NDUFS6: variants seen among roughly 807,000 people sequenced by gnomAD.
NDUFS6 encodes the protein NADH dehydrogenase [ubiquinone] iron-sulfur protein 6, mitochondrial.
A neutral mutation model predicts 13.2 loss-of-function variants in NDUFS6; 14 were observed. The observed-to-expected ratio is 1.06, with a 90% CI of 0.70 to 1.66. The LOEUF (loss-of-function observed/expected upper bound fraction) is 1.66. Among genes scored for constraint, NDUFS6 ranks in the 40% most tolerant of loss-of-function variants. The pLI, the probability that NDUFS6 is intolerant of heterozygous loss-of-function variation, is 0.00. For missense variants in NDUFS6, 206 were observed against 170.8 expected, an observed-to-expected ratio of 1.21 and a Z score of -1.15; for synonymous variants, 95 against 72.3, an observed-to-expected ratio of 1.31 and a Z score of -1.60.
At chr5:1,803,853 T>G (rs1418908660) in intron 2 of NDUFS6, among the ~76,000 whole-genome samples, 1 of 152,206 alleles carries the variant, frequency 6.6e-6, no homozygotes, top group Admixed American at 6.5e-5. Flanking sequence ...GAACTTGACA[T>G]TTGGAAGGTG....
intron 2 of NDUFS6, among the ~76,000 whole-genome samples, chr5:1,804,890 G>T (rs1242954570): frequency 6.6e-6 from 1 of 152,174 alleles, no homozygotes; most frequent in Non-Finnish European, 1.5e-5. Flanking sequence ...GGATAGATGT[G>T]TAATGACATG....
At position 1,815,993 on chromosome 5, in the gene NDUFS6, G is replaced by A. The variant is rs1734304213; in HGVS notation, c.*77G>A. The A allele has an allele frequency of 2.0e-6, 3 of 1,479,856 alleles. No homozygotes were observed. Among genetic ancestry groups the A allele is most frequent in the South Asian group, 1.1e-5 (1 of 88,508 alleles). The allele number at this position is 1,479,856 out of a possible 1,614,324, so 91.7% of individuals were successfully genotyped here. On this transcript the variant is annotated 3_prime_UTR_variant, in exon 4 of 4. Coordinates refer to ENST00000274137, the MANE Select transcript of NDUFS6 (RefSeq NM_004553.6). ...GAAGCTGAGCACGTGAAGCTCGCTG[G>A]TTCTGTGCGAAGGGTATTCCTGGTG... is the stretch of plus-strand genomic sequence containing the variant.
At position 1,815,839 on chromosome 5, in the gene NDUFS6, G is replaced by A. The variant is rs773995713; in HGVS notation, c.310-12G>A. ...ATGGAAATATGACATCATTCCTTTTGAATTTTTTCAGGACAAAGAAACAAA... is the reference window on the plus strand; with the variant it reads ...ATGGAAATATGACATCATTCCTTTTAAATTTTTTCAGGACAAAGAAACAAA... On this transcript the variant is annotated splice_polypyrimidine_tract_variant and intron_variant, in intron 3 of 3. Coordinates refer to ENST00000274137, the MANE Select transcript of NDUFS6 (RefSeq NM_004553.6). The A allele has an allele frequency of 2.5e-6, 4 of 1,613,846 alleles. No individual in the cohort carries two copies. Among genetic ancestry groups the A allele is most frequent in the South Asian group, 1.1e-5 (1 of 91,088 alleles).
Position 1,814,466 on chromosome 5 carries a change from G to A in NDUFS6, c.309+5G>A, listed in dbSNP as rs763535523. The A allele has an allele frequency of 7.4e-6, 12 of 1,614,052 alleles. No homozygotes were observed. The East Asian group carries it at 1.1e-4, about 15-fold the overall frequency. ...CCAAAAGTGTATATAAACTTGGTGC[G>A]TAGCTGGCCACCTGTGCACATGTTA... is the stretch of plus-strand genomic sequence containing the variant. On this transcript the variant is annotated splice_donor_5th_base_variant and intron_variant, in intron 3 of 3. Coordinates refer to ENST00000274137, the MANE Select transcript of NDUFS6 (RefSeq NM_004553.6). This position sits in a 1 kb window ranked among gnomAD's most constrained non-coding sequence, Gnocchi z 4.9.
intron 2 of NDUFS6, among the ~76,000 whole-genome samples, chr5:1,813,405 G>A (rs928691921): frequency 1.3e-5 from 2 of 152,114 alleles, no homozygotes; most frequent in East Asian, 1.9e-4. Flanking sequence ...GATCGTGCTC[G>A]CGTCCTCCTT....
chr5:1,802,281 G>C (rs771432043), intron 1 of NDUFS6, 40 bp from the exon 2 acceptor site: 6 of 1,542,976 alleles, frequency 3.9e-6, no homozygotes, highest in Non-Finnish European at 5.4e-6. Context: ...TTCAGAATTA[G>C]GCCGTAAAAG....
At position 1,815,837 on chromosome 5, in the gene NDUFS6, T is replaced by C. The variant is rs770564003; in HGVS notation, c.310-14T>C. The C allele has an allele frequency of 4.3e-6, 7 of 1,613,816 alleles. No individual in the cohort carries two copies. The East Asian group carries it at 1.6e-4, about 36-fold the overall frequency. ...ATATGGAAATATGACATCATTCCTT[T>C]TGAATTTTTTCAGGACAAAGAAACA... is the stretch of plus-strand genomic sequence containing the variant. On this transcript the variant is annotated splice_polypyrimidine_tract_variant and intron_variant, in intron 3 of 3. Transcript: ENST00000274137.
intron 2 of NDUFS6, among the ~76,000 whole-genome samples, chr5:1,802,789 A>T (rs1385996391): frequency 1.3e-5 from 2 of 152,202 alleles, no homozygotes; most frequent in African/African-American, 4.8e-5. Context: ...AAAATGGCAC[A>T]TGAGTTTTTC....
Position 1,814,325 on chromosome 5 carries a change from T to G in NDUFS6, c.187-14T>G, listed in dbSNP as rs367829532. On this transcript the variant is annotated splice_polypyrimidine_tract_variant and intron_variant, in intron 2 of 3. Transcript: ENST00000274137. This position sits in a 1 kb window ranked among gnomAD's most constrained non-coding sequence, Gnocchi z 4.9. The stretch of plus-strand genomic sequence containing the variant: ...TTGTGTATTTGTTTACGTAAGTCTT[T>G]CTTCTTGTTCCAGGTGAATGAAAAC... 3 of 1,614,098 alleles carry G rather than the reference T, an allele frequency of 1.9e-6. No individual in the cohort carries two copies. The highest frequency in any genetic ancestry group is 2.5e-6 in the Non-Finnish European group (3 of 1,180,046).
intron 1 of NDUFS6, among the ~76,000 whole-genome samples, chr5:1,801,976 A>G (rs1368457270): frequency 6.6e-6 from 1 of 152,200 alleles, no homozygotes; most frequent in East Asian, 1.9e-4. Context: ...TGTATACTGG[A>G]ATGTGCCCTA....
rs762559016 is a variant in NDUFS6 at position 1,814,683 on chromosome 5, G to A, written c.309+222G>A. On this transcript the variant is annotated intron_variant, in intron 3 of 3. Coordinates refer to ENST00000274137, the MANE Select transcript of NDUFS6 (RefSeq NM_004553.6). This position sits in a 1 kb window ranked among gnomAD's most constrained non-coding sequence, Gnocchi z 4.9. Reference sequence around the variant, plus strand: ...CCTTTCAACTGTGAAGTGGTGGGCGGCATGTTTCTCTTCTCGGACGCCCAA... The same window carrying A: ...CCTTTCAACTGTGAAGTGGTGGGCGACATGTTTCTCTTCTCGGACGCCCAA... The A allele has an allele frequency of 5.3e-6, 4 of 750,126 alleles. No homozygotes were observed. Among genetic ancestry groups the A allele is most frequent in the African/African-American group, 5.2e-5 (3 of 58,092 alleles). The allele number at this position is 750,126 out of a possible 1,614,324, so 46.5% of individuals were successfully genotyped here.
intron 3 of NDUFS6, among the ~76,000 whole-genome samples, chr5:1,815,101 A>G (rs1222852581): frequency 1.3e-5 from 2 of 152,132 alleles, no homozygotes; most frequent in African/African-American, 4.8e-5. Context: ...AACAATCCCT[A>G]TGTAATCTTT....
chr5:1,806,512 G>C (rs545776265), intron 2 of NDUFS6, among the ~76,000 whole-genome samples: 5 of 152,218 alleles, frequency 3.3e-5, no homozygotes, highest in African/African-American at 1.2e-4. Context: ...GCAGTTGCAC[G>C]CGGTGCAAAT....
chr5:1,801,557 C>T lies in NDUFS6; in HGVS notation c.132+8C>T, dbSNP rs1019940609. The T allele has an allele frequency of 1.9e-6, 3 of 1,577,860 alleles. No individual in the cohort carries two copies. Among genetic ancestry groups the T allele is most frequent in the Non-Finnish European group, 1.7e-6 (2 of 1,169,806 alleles). Reference sequence around the variant, plus strand: ...GTCACGCACACTGGCCAGGTAACGGCCGCTGGGTACAGGATGCACCTTCCT... The same window carrying T: ...GTCACGCACACTGGCCAGGTAACGGTCGCTGGGTACAGGATGCACCTTCCT... On this transcript the variant is annotated splice_region_variant and intron_variant, in intron 1 of 3. Transcript: ENST00000274137.
rs567528957 is a variant in NDUFS6, at chr5:1,801,472, C to G, written c.55C>G (p.Arg19Gly). 5.2e-5 allele frequency: 84 copies of G among 1,603,556 alleles called. No individual in the cohort carries two copies. The East Asian group carries it at 1.2e-3, about 23-fold the overall frequency. The stretch of plus-strand genomic sequence containing the variant: ...GCTGAACCGGTGTGGCGAGGCGGCG[C>G]GGAGCCTGCCCCTGGGCGCCAGGTG... ...RLLNRCGEAA[R>G]SLPLGARCFG... The change falls in exon 1 of 4, where the codon CGG (arginine) becomes GGG (glycine). Residue 19 changes from arginine (R) to glycine (G), a missense_variant. Coordinates refer to ENST00000274137, the MANE Select transcript of NDUFS6 (RefSeq NM_004553.6).
Position 1,816,004 on chromosome 5 carries a change from A to G in NDUFS6, c.*88A>G. 4.3e-6 allele frequency: 6 copies of G among 1,393,990 alleles called. No homozygotes were observed. The highest frequency in any genetic ancestry group is 6.1e-6 in the Non-Finnish European group (6 of 979,058). The allele number at this position is 1,393,990 out of a possible 1,614,324, so 86.4% of individuals were successfully genotyped here. A position where few individuals can be genotyped will look rare whatever the true frequency, so the allele number is the denominator to read the frequency against. ...CGTGAAGCTCGCTGGTTCTGTGCGA[A>G]GGGTATTCCTGGTGCTGAATAAAGG... On this transcript the variant is annotated 3_prime_UTR_variant, in exon 4 of 4. Transcript: ENST00000274137.
rs374078250 is a variant in NDUFS6 at position 1,814,286 on chromosome 5, T to C, written c.187-53T>C. 1.4e-6 allele frequency: 2 copies of C among 1,390,478 alleles called. No individual in the cohort carries two copies. The highest frequency in any genetic ancestry group is 4.9e-5 in the East Asian group (2 of 40,524). 86.1% of individuals were successfully genotyped at this position (1,390,478 alleles called of 1,614,324 possible). On this transcript the variant is annotated intron_variant, in intron 2 of 3. Coordinates refer to ENST00000274137, the MANE Select transcript of NDUFS6 (RefSeq NM_004553.6). The surrounding 1 kb of genome is among the most constrained non-coding windows in gnomAD (Gnocchi z 4.9). ...TTTGTGTGTGGTGGGTTAAATTGTA[T>C]GTAGTTAGCAAGTTTGTGTATTTGT...
chr5:1,813,407 G>A (rs28402979), intron 2 of NDUFS6, among the ~76,000 whole-genome samples: 15,732 of 152,080 alleles, frequency 0.1, 1,939 homozygotes, highest in African/African-American at 0.3. Flanking sequence ...TCGTGCTCGC[G>A]TCCTCCTTCC....
At chr5:1,806,338 C>T (rs143004426) in intron 2 of NDUFS6, among the ~76,000 whole-genome samples, 77 of 152,284 alleles carry the variant, frequency 5.1e-4, no homozygotes, top group African/African-American at 1.4e-3. Flanking sequence ...CTCCCTGACC[C>T]GCACAGCCCA....
Sources: gnomAD v4.1 joint callset for allele counts (sites outside exome capture counted in the v4.1 genomes callset) on GRCh38, gnomAD v4.1.1 for gene constraint, Gnocchi (gnomAD v3.1) non-coding constraint, MANE v1.5 for transcripts, NCBI Gene and HGNC (gene_info 2026-07-23, HGNC 2026-07-21) for gene names.